The following EFCAB6 variants were observed in gnomAD, a reference collection of about 807,000 sequenced individuals.
EFCAB6 encodes EF-hand calcium binding domain 6.
Under a neutral mutation model 169.8 loss-of-function variants are expected in EFCAB6, and 156 were observed. That is an observed-to-expected ratio of 0.92 (90% CI 0.81 to 1.05). The LOEUF (loss-of-function observed/expected upper bound fraction) is 1.05, where lower values mean the gene tolerates loss of function less well. EFCAB6 is among the 50% of genes least tolerant of loss of function. The pLI, the probability that EFCAB6 is intolerant of heterozygous loss-of-function variation, is 0.00. For synonymous variants in EFCAB6, 698 were observed against 676.4 expected, an observed-to-expected ratio of 1.03 and a Z score of -0.50; for missense variants, 1,800 against 1,829.1, an observed-to-expected ratio of 0.98 and a Z score of 0.29.
chr22:43,736,136 G>C (rs2060129393), intron 6 of EFCAB6, 143 bp from the exon 7 acceptor site: 1 of 775,882 alleles, frequency 1.3e-6, no homozygotes, highest in Non-Finnish European at 1.9e-6. Flanking sequence ...TGGCAAAAAT[G>C]ACATGTCTAC....
intron 17 of EFCAB6, among the ~76,000 whole-genome samples, chr22:43,641,194 G>A (rs1026680636): frequency 6.6e-6 from 1 of 152,192 alleles, no homozygotes; most frequent in African/African-American, 2.4e-5. Flanking sequence ...CGGAACAGCT[G>A]GCAACACTCA....
At position 43,580,631 on chromosome 22, in the gene EFCAB6, T is replaced by C. The variant is rs1338149309; in HGVS notation, c.3061A>G (p.Ile1021Val). ...GCTCTCAGGAAGTCGAGGTAATTGATAGCATTATCATGCCGGCTGACTCCC... is the reference window on the plus strand; with the variant it reads ...GCTCTCAGGAAGTCGAGGTAATTGACAGCATTATCATGCCGGCTGACTCCC... ...SWGVSRHDNA[I>V]NYLDFLRAVE... The change falls in exon 25 of 32, where the codon ATC (isoleucine) becomes GTC (valine). Residue 1021 changes from isoleucine to valine, a missense_variant. By Grantham distance (29) the Ile-to-Val change is conservative (BLOSUM62 3). Coordinates refer to ENST00000262726, the MANE Select transcript of EFCAB6 (RefSeq NM_022785.4). 6.2e-7 allele frequency: 1 copy of C among 1,614,120 alleles called. No homozygotes were observed. Among genetic ancestry groups the C allele is most frequent in the Non-Finnish European group, 8.5e-7 (1 of 1,180,016 alleles).
At position 43,537,609 on chromosome 22, in the gene EFCAB6, A is replaced by G. The variant is rs200740386; in HGVS notation, c.3880-64T>C. Reference sequence around the variant, plus strand: ...ATTTAAAACGGAAGTCATCAAAAATACCTCAATACCTCCAGTTTTGAGGTT... The same window carrying G: ...ATTTAAAACGGAAGTCATCAAAAATGCCTCAATACCTCCAGTTTTGAGGTT... On this transcript the variant is annotated intron_variant, in intron 28 of 31. Coordinates refer to ENST00000262726, the MANE Select transcript of EFCAB6 (RefSeq NM_022785.4). The surrounding 1 kb of genome is among the most constrained non-coding windows in gnomAD (Gnocchi z 4.3). 5.3e-6 allele frequency: 8 copies of G among 1,522,416 alleles called. No individual in the cohort carries two copies. In the East Asian group the frequency reaches 1.8e-4, roughly 35 times the overall value. The allele number at this position is 1,522,416 out of a possible 1,614,324, so 94.3% of individuals were successfully genotyped here.
intron 24 of EFCAB6, among the ~76,000 whole-genome samples, chr22:43,587,037 T>C (rs2051123055): frequency 6.6e-6 from 1 of 152,196 alleles, no homozygotes; most frequent in African/African-American, 2.4e-5. Flanking sequence ...GAAAATCTGA[T>C]ATGTCCTGCA....
chr22:43,707,854 T>C (rs2059010556), intron 10 of EFCAB6, among the ~76,000 whole-genome samples: 2 of 151,798 alleles, frequency 1.3e-5, no homozygotes, highest in South Asian at 4.2e-4. Context: ...GCATGAGTCA[T>C]AAAAACAACA....
intron 10 of EFCAB6, among the ~76,000 whole-genome samples, chr22:43,689,840 G>A (rs1214453188): frequency 6.6e-6 from 1 of 152,198 alleles, no homozygotes; most frequent in African/African-American, 2.4e-5. Flanking sequence ...AAGCTTACAT[G>A]TTTGATGGCT....
chr22:43,656,373 C>A (rs1254794507), intron 17 of EFCAB6, among the ~76,000 whole-genome samples: 1 of 149,320 alleles, frequency 6.7e-6, no homozygotes, highest in African/African-American at 2.5e-5. Flanking sequence ...GCCTGGGCAA[C>A]AAGAGCAAAA....
chr22:43,780,097 T>C (rs1428777718), intron 3 of EFCAB6, among the ~76,000 whole-genome samples: 3 of 152,190 alleles, frequency 2.0e-5, no homozygotes, highest in Admixed American at 2.0e-4. Flanking sequence ...TGTGTTAGGA[T>C]ACTTAGAAAT....
At chr22:43,765,440 C>T (rs756518999) in intron 4 of EFCAB6, 47 bp from the exon 5 acceptor site, 2 of 1,445,284 alleles carry the variant, frequency 1.4e-6, no homozygotes, top group South Asian at 2.3e-5. Context: ...AATTAAGATC[C>T]AAGCAATAGA....
chr22:43,611,793 G>A (rs1209059265), intron 21 of EFCAB6, among the ~76,000 whole-genome samples: 2 of 151,970 alleles, frequency 1.3e-5, no homozygotes, highest in African/African-American at 4.8e-5. Flanking sequence ...GTGAGACCCT[G>A]TCTCAAAATA....
chr22:43,747,750 GTC>G (rs1425283483), intron 6 of EFCAB6, among the ~76,000 whole-genome samples: 1 of 152,058 alleles, frequency 6.6e-6, no homozygotes, highest in East Asian at 1.9e-4. Flanking sequence ...ACCATCTGAA[GTC>G]TTACCCTTCC....
intron 25 of EFCAB6, among the ~76,000 whole-genome samples, chr22:43,578,828 A>G (rs1054037648): frequency 2.4e-5 from 3 of 124,642 alleles, no homozygotes; most frequent in Non-Finnish European, 3.9e-5. Flanking sequence ...CCCTACACGC[A>G]GGCATCATTC....
intron 17 of EFCAB6, among the ~76,000 whole-genome samples, chr22:43,666,691 G>GTTTTTTTTTTTT (rs137764): frequency 3.9e-5 from 3 of 77,866 alleles, no homozygotes; most frequent in Non-Finnish European, 6.9e-5. Flanking sequence ...CTGCCAGATT[G>GTTTTTTTTTTTT]TTTTTTTTTT....
chr22:43,807,384 A>G (rs2062958449), intron 2 of EFCAB6, among the ~76,000 whole-genome samples: 2 of 152,238 alleles, frequency 1.3e-5, no homozygotes, highest in South Asian at 4.1e-4. Context: ...ATTGGCAAGG[A>G]TCATAAAAAC....
intron 10 of EFCAB6, among the ~76,000 whole-genome samples, chr22:43,699,930 T>C (rs1319207708): frequency 2.6e-5 from 4 of 152,260 alleles, no homozygotes; most frequent in Non-Finnish European, 5.9e-5. Flanking sequence ...GCTCACATGA[T>C]GGAAGGACGA....
intron 2 of EFCAB6, among the ~76,000 whole-genome samples, chr22:43,786,683 C>T (rs2062089135): frequency 6.6e-6 from 1 of 151,764 alleles, no homozygotes; most frequent in Admixed American, 6.6e-5. Flanking sequence ...CACTGCACTC[C>T]AGCCTGGGCG....
intron 31 of EFCAB6, among the ~76,000 whole-genome samples, chr22:43,529,356 G>A (rs779605777): frequency 3.3e-5 from 5 of 152,198 alleles, no homozygotes; most frequent in Non-Finnish European, 7.4e-5. Flanking sequence ...GCAGGGGAGG[G>A]CAGGGCCAGT....
At position 43,669,046 on chromosome 22, in the gene EFCAB6, C is replaced by G. The variant is rs987682918; in HGVS notation, c.1641-1G>C. ...AATGTCCTGAATCTTACTGCAGAGT[C>G]TGAATTTTAAAAAATAATTAAAACA... On this transcript the variant is annotated splice_acceptor_variant, in intron 15 of 31. Coordinates refer to ENST00000262726, the MANE Select transcript of EFCAB6 (RefSeq NM_022785.4). LOFTEE classifies it high-confidence loss of function. 4 of 1,593,382 alleles carry G rather than the reference C, an allele frequency of 2.5e-6. No homozygotes were observed. The highest frequency in any genetic ancestry group is 3.4e-6 in the Non-Finnish European group (4 of 1,171,168).
At position 43,589,973 on chromosome 22, in the gene EFCAB6, C is replaced by T. The variant is rs1025912089; in HGVS notation, c.3032+101G>A. ...AGGAAGACATGGAGGGTATTTTCATCTCAGAAGGCTGTTTGGGCGGACATA... is the reference window on the plus strand; with the variant it reads ...AGGAAGACATGGAGGGTATTTTCATTTCAGAAGGCTGTTTGGGCGGACATA... On this transcript the variant is annotated intron_variant, in intron 24 of 31. Transcript: ENST00000262726. The T allele has an allele frequency of 6.8e-6, 10 of 1,462,270 alleles. No individual in the cohort carries two copies. The Admixed American group carries it at 8.2e-5, about 12-fold the overall frequency. 90.6% of individuals were successfully genotyped at this position (1,462,270 alleles called of 1,614,324 possible).
Sources: gnomAD v4.1 joint callset for allele counts (sites outside exome capture counted in the v4.1 genomes callset) on GRCh38, gnomAD v4.1.1 for gene constraint, Gnocchi (gnomAD v3.1) non-coding constraint, MANE v1.5 for transcripts, NCBI Gene and HGNC (gene_info 2026-07-23, HGNC 2026-07-21) for gene names.